PLAC9: variants seen among roughly 807,000 people sequenced by gnomAD.
PLAC9 encodes placenta-specific protein 9.
Under a neutral mutation model 11.5 loss-of-function variants are expected in PLAC9, and 12 were observed. The ratio of observed to expected loss-of-function variants is 1.05; its 90% CI spans 0.67 to 1.69. The LOEUF (loss-of-function observed/expected upper bound fraction) is 1.69. Among genes scored for constraint, PLAC9 ranks in the 40% most tolerant of loss-of-function variants. The probability of loss-of-function intolerance (pLI) is 0.00; values close to 1 mark genes in which losing one functional copy is unlikely to be tolerated. For synonymous variants in PLAC9, 62 were observed against 58.1 expected, an observed-to-expected ratio of 1.07 and a Z score of -0.31; for missense variants, 132 against 130.5, an observed-to-expected ratio of 1.01 and a Z score of -0.06.
chr10:80,144,933 G>A lies in PLAC9; in HGVS notation c.*23G>A. 1.9e-6 allele frequency: 3 copies of A among 1,569,936 alleles called. No individual in the cohort carries two copies. The highest frequency in any genetic ancestry group is 2.6e-6 in the Non-Finnish European group (3 of 1,156,506). On this transcript the variant is annotated 3_prime_UTR_variant, in exon 4 of 4. Transcript: ENST00000372263. ...TGAGCCCTGGAGCTGGAGCCCAGCA[G>A]TTGGAGGTGGTGCACCTGCCAGGCA...
intron 1 of PLAC9, among the ~76,000 whole-genome samples, chr10:80,141,486 C>T (rs1845039400): frequency 6.6e-6 from 1 of 152,102 alleles, no homozygotes; most frequent in Admixed American, 6.6e-5. Flanking sequence ...GTAATCCCAG[C>T]TACTCAGGAG....
intron 2 of PLAC9, among the ~76,000 whole-genome samples, chr10:80,142,920 G>T (rs1212435908): frequency 1.3e-5 from 2 of 152,094 alleles, no homozygotes; most frequent in African/African-American, 2.4e-5. Flanking sequence ...GCAAGGTTTT[G>T]CTATGTTGCC....
intron 2 of PLAC9, among the ~76,000 whole-genome samples, chr10:80,142,902 T>G (rs1845057055): frequency 6.6e-6 from 1 of 152,082 alleles, no homozygotes; most frequent in Non-Finnish European, 1.5e-5. Context: ...TGTATTTATT[T>G]TGTAGAGGCA....
In PLAC9 at chr10:80,135,928, T is replaced by C. The variant is rs543957872; in HGVS notation, c.64+3102T>C. ...GTTGCTTTTCAAAGCAGAGTGTGACTTTGACAATTCAGAAGATACAGCGGC... is the reference window on the plus strand; with the variant it reads ...GTTGCTTTTCAAAGCAGAGTGTGACCTTGACAATTCAGAAGATACAGCGGC... On this transcript the variant is annotated intron_variant, in intron 1 of 3. Transcript: ENST00000372263. Among the ~76,000 whole-genome samples the C allele has an allele frequency of 5.3e-5, 8 of 152,292 alleles. No individual in the cohort carries two copies. In the East Asian group the frequency reaches 1.2e-3, roughly 22 times the overall value.
chr10:80,135,041 A>G (rs910930162), intron 1 of PLAC9, among the ~76,000 whole-genome samples: 5 of 78,334 alleles, frequency 6.4e-5, no homozygotes, highest in Non-Finnish European at 1.4e-4. Flanking sequence ...TTTATTTGAG[A>G]TGGAGTCTCG....
At chr10:80,142,057 A>G in intron 1 of PLAC9, 25 bp from the exon 2 acceptor site, 1 of 1,590,170 alleles carries the variant, frequency 6.3e-7, no homozygotes, top group South Asian at 1.1e-5. Context: ...AGGGTCCCAC[A>G]GTGACAAGAC....
At chr10:80,139,385 G>A (rs1395915918) in intron 1 of PLAC9, among the ~76,000 whole-genome samples, 2 of 152,080 alleles carry the variant, frequency 1.3e-5, no homozygotes, top group East Asian at 3.9e-4. Flanking sequence ...TGGATTCCAG[G>A]CCTCCTCTCC....
Position 80,140,772 on chromosome 10 carries a change from G to A in PLAC9, c.65-1310G>A, listed in dbSNP as rs149160636. Among the ~76,000 whole-genome samples, 558 of 152,186 alleles carry A rather than the reference G, an allele frequency of 3.7e-3. 8 individuals carry two copies. The highest frequency in any genetic ancestry group is 0.018 in the East Asian group (92 of 5,180). On this transcript the variant is annotated intron_variant, in intron 1 of 3. Transcript: ENST00000372263. ...TGGTCTCAATCTCCTGACCTCGTGC[G>A]CCTACCTCGCCCTCCCAAAGTGCTG...
intron 1 of PLAC9, among the ~76,000 whole-genome samples, chr10:80,138,881 C>T (rs1845007822): frequency 6.6e-6 from 1 of 152,122 alleles, no homozygotes; most frequent in Non-Finnish European, 1.5e-5. Context: ...ATGCCCGCAT[C>T]CATGGCCACA....
rs1036789325 is a variant in PLAC9, at chr10:80,134,540, A to T, written c.64+1714A>T. 3.9e-5 allele frequency among the ~76,000 whole-genome samples: 6 copies of T among 152,172 alleles called. No homozygotes were observed. The South Asian group carries it at 8.3e-4, about 21-fold the overall frequency. ...TGGCCTCCCAAAGTGCTGGGATTAC[A>T]GGTGTGAGCCACAATGCCTGGCCTG... On this transcript the variant is annotated intron_variant, in intron 1 of 3. Coordinates refer to ENST00000372263, the MANE Select transcript of PLAC9 (RefSeq NM_001012973.3).
At chr10:80,139,096 T>C (rs944963086) in intron 1 of PLAC9, among the ~76,000 whole-genome samples, 2 of 151,708 alleles carry the variant, frequency 1.3e-5, no homozygotes, top group Non-Finnish European at 2.9e-5. Flanking sequence ...GGACTACAGG[T>C]GCCCACCGCC....
intron 3 of PLAC9, 123 bp downstream of exon 3, chr10:80,144,466 C>T (rs145627590): frequency 3.8e-6 from 5 of 1,329,148 alleles, no homozygotes; most frequent in Non-Finnish European, 5.0e-6. Flanking sequence ...GGCCCCAGCG[C>T]TCCCTGGGGA....
intron 1 of PLAC9, among the ~76,000 whole-genome samples, chr10:80,140,925 T>C (rs2132336862): frequency 6.6e-6 from 1 of 152,320 alleles, no homozygotes; most frequent in South Asian, 2.1e-4. Context: ...GCCCTCTTCT[T>C]GGCCTCATGA....
At chr10:80,143,658 A>G (rs1247960927) in intron 2 of PLAC9, among the ~76,000 whole-genome samples, 1 of 152,038 alleles carries the variant, frequency 6.6e-6, no homozygotes, top group Non-Finnish European at 1.5e-5. Context: ...TGGCCTCCCA[A>G]AGTGCTGGGA....
chr10:80,133,888 G>C (rs11201831), intron 1 of PLAC9, among the ~76,000 whole-genome samples: 32,183 of 147,368 alleles, frequency 0.22, 5,224 homozygotes, highest in East Asian at 0.67. Context: ...AGGTTGCAGT[G>C]AGCCGAGATC....
chr10:80,140,294 C>T (rs1589404732), intron 1 of PLAC9, among the ~76,000 whole-genome samples: 1 of 152,140 alleles, frequency 6.6e-6, no homozygotes, highest in African/African-American at 2.4e-5. Context: ...AGCCAAGCTT[C>T]GTGAAATTTT....
At chr10:80,138,509 T>A (rs1440578911) in intron 1 of PLAC9, among the ~76,000 whole-genome samples, 2 of 152,198 alleles carry the variant, frequency 1.3e-5, no homozygotes, top group African/African-American at 4.8e-5. Context: ...CCACAAAAGA[T>A]GCTCAGAGTG....
At chr10:80,134,265 C>CTTTCTTTCT (rs1554828781) in intron 1 of PLAC9, among the ~76,000 whole-genome samples, 2 of 134,650 alleles carry the variant, frequency 1.5e-5, no homozygotes, top group African/African-American at 5.5e-5. Context: ...TTCTTTCTTT[C>CTTTCTTTCT]TTTTTTTTTT....
At chr10:80,138,136 C>A (rs1043094731) in intron 1 of PLAC9, among the ~76,000 whole-genome samples, 3 of 152,122 alleles carry the variant, frequency 2.0e-5, no homozygotes. Context: ...CATTTCAAAT[C>A]GTGCACACAA....
Sources: gnomAD v4.1 joint callset for allele counts (sites outside exome capture counted in the v4.1 genomes callset) on GRCh38, gnomAD v4.1.1 for gene constraint, MANE v1.5 for transcripts, NCBI Gene and HGNC (gene_info 2026-07-23, HGNC 2026-07-21) for gene names.